Variants in ZHX3 observed in about 807,000 individuals in gnomAD.
ZHX3 encodes the protein zinc fingers and homeoboxes 3, also known as zinc fingers and homeoboxes protein 3.
ZHX3 carries 20 observed loss-of-function variants against 64.5 expected under a neutral mutation model. That is an observed-to-expected ratio of 0.31 (90% CI 0.22 to 0.45). The LOEUF is 0.45. Among genes scored for constraint, ZHX3 ranks in the 20% least tolerant of loss-of-function variants. ZHX3 has a pLI of 1.00. For synonymous variants in ZHX3, 423 were observed against 461.6 expected (o/e 0.92, Z 1.07); for missense variants, 1,041 against 1,195.8 (o/e 0.87, Z 1.91).
At chr20:41,268,777 T>G (rs1042957083) in intron 2 of ZHX3, among the ~76,000 whole-genome samples, 1 of 152,202 alleles carries the variant, frequency 6.6e-6, no homozygotes, top group Non-Finnish European at 1.5e-5. Context: ...AAGTTGTAGA[T>G]TCAATGCAGA....
chr20:41,280,144 G>C (rs1401020982), intron 1 of ZHX3, among the ~76,000 whole-genome samples: 1 of 152,048 alleles, frequency 6.6e-6, no homozygotes, highest in Non-Finnish European at 1.5e-5. Flanking sequence ...TATATCCCTG[G>C]TACTTAGCAG....
chr20:41,198,232 G>A (rs1471792521), intron 3 of ZHX3, among the ~76,000 whole-genome samples: 2 of 151,822 alleles, frequency 1.3e-5, no homozygotes, highest in Admixed American at 6.6e-5. Flanking sequence ...TCCTGACCTC[G>A]TGATCCACCC....
intron 1 of ZHX3, among the ~76,000 whole-genome samples, chr20:41,310,609 A>C (rs1309301789): frequency 6.6e-6 from 1 of 152,122 alleles, no homozygotes; most frequent in Non-Finnish European, 1.5e-5. Flanking sequence ...CAAAAAAATA[A>C]AATAAAATAG....
At position 41,204,994 on chromosome 20, in the gene ZHX3, T is replaced by C. The variant is rs1344882436; in HGVS notation, c.-78A>G. On this transcript the variant is annotated 5_prime_UTR_variant, in exon 3 of 4. Coordinates refer to ENST00000683867, the MANE Select transcript of ZHX3 (RefSeq NM_001384317.1). The surrounding 1 kb of genome is among the most constrained non-coding windows in gnomAD (Gnocchi z 6.6). ...AACAATACAAGTTCCAGCTTCTCGA[T>C]GAGGGCCAAAGAAACAGTTTCTAAA... The C allele has an allele frequency of 6.9e-7, 1 of 1,439,594 alleles. No individual in the cohort carries two copies. The highest frequency in any genetic ancestry group is 9.1e-7 in the Non-Finnish European group (1 of 1,095,204). The allele number at this position is 1,439,594 out of a possible 1,614,324, so 89.2% of individuals were successfully genotyped here.
intron 2 of ZHX3, among the ~76,000 whole-genome samples, chr20:41,263,230 A>G (rs2042650003): frequency 1.3e-5 from 2 of 152,206 alleles, no homozygotes; most frequent in South Asian, 4.1e-4. Flanking sequence ...AGGCTATGAA[A>G]TAATGATAAT....
chr20:41,178,925 A>G lies in ZHX3; in HGVS notation c.*6266T>C, dbSNP rs1600686133. The G allele has an allele frequency of 6.6e-6, 1 of 152,654 alleles. No homozygotes were observed. Among genetic ancestry groups the G allele is most frequent in the African/African-American group, 2.4e-5 (1 of 41,518 alleles). 9.5% of individuals were successfully genotyped at this position (152,654 alleles called of 1,614,324 possible). A position where few individuals can be genotyped will look rare whatever the true frequency, so the allele number is the denominator to read the frequency against. On this transcript the variant is annotated 3_prime_UTR_variant, in exon 4 of 4. Coordinates refer to ENST00000683867, the MANE Select transcript of ZHX3 (RefSeq NM_001384317.1). The stretch of plus-strand genomic sequence containing the variant: ...TTACTTGTTTAGCACCAAGATGATC[A>G]CCTTTTCAGCCATCTCTCCTGACAG...
chr20:41,273,270 G>A (rs563820960), intron 1 of ZHX3, among the ~76,000 whole-genome samples: 2 of 148,468 alleles, frequency 1.3e-5, no homozygotes, highest in Non-Finnish European at 3.1e-5. Flanking sequence ...GTTTTGTTTT[G>A]TTTGTTTTTT....
At chr20:41,205,760 T>C (rs978749181) in intron 2 of ZHX3, among the ~76,000 whole-genome samples, 2 of 152,168 alleles carry the variant, frequency 1.3e-5, no homozygotes, top group Non-Finnish European at 1.5e-5. Flanking sequence ...CAGAACCAGT[T>C]TGTGGCCCAG....
At chr20:41,295,003 C>T (rs1303794657) in intron 1 of ZHX3, among the ~76,000 whole-genome samples, 2 of 152,192 alleles carry the variant, frequency 1.3e-5, no homozygotes, top group African/African-American at 4.8e-5. Flanking sequence ...GCCCAGCCCA[C>T]ATTAATATTT....
At position 41,183,461 on chromosome 20, in the gene ZHX3, C is replaced by A. The variant is rs1341817945; in HGVS notation, c.*1730G>T. 6.6e-6 allele frequency: 1 copy of A among 152,204 alleles called. No individual in the cohort carries two copies. Among genetic ancestry groups the A allele is most frequent in the Non-Finnish European group, 1.5e-5 (1 of 68,040 alleles). 9.4% of individuals were successfully genotyped at this position (152,204 alleles called of 1,614,324 possible). On this transcript the variant is annotated 3_prime_UTR_variant, in exon 4 of 4. Transcript: ENST00000683867. This position sits in a 1 kb window ranked among gnomAD's most constrained non-coding sequence, Gnocchi z 5.3. ...CTTTAGAAGAACATGATTTTGGTTTCAAAAGCAAGACCTCTCCTGGAAGGC... is the reference window on the plus strand; with the variant it reads ...CTTTAGAAGAACATGATTTTGGTTTAAAAAGCAAGACCTCTCCTGGAAGGC...
At chr20:41,249,113 C>T (rs574129928) in intron 2 of ZHX3, among the ~76,000 whole-genome samples, 1 of 152,240 alleles carries the variant, frequency 6.6e-6, no homozygotes, top group South Asian at 2.1e-4. Context: ...GGTACATTTA[C>T]TTTGGAAGAA....
intron 2 of ZHX3, among the ~76,000 whole-genome samples, chr20:41,258,449 G>A (rs576099300): frequency 1.3e-5 from 2 of 151,950 alleles, no homozygotes; most frequent in Admixed American, 6.5e-5. Context: ...CAGAATCCCC[G>A]CTGTATTTAG....
At chr20:41,243,384 A>T (rs759681897) in intron 2 of ZHX3, among the ~76,000 whole-genome samples, 1 of 152,192 alleles carries the variant, frequency 6.6e-6, no homozygotes, top group African/African-American at 2.4e-5. Flanking sequence ...AATTATTATC[A>T]GGGTCACATC....
At chr20:41,236,683 G>A (rs1301794235) in intron 2 of ZHX3, among the ~76,000 whole-genome samples, 1 of 152,112 alleles carries the variant, frequency 6.6e-6, no homozygotes, top group Non-Finnish European at 1.5e-5. Context: ...AGAAAACCTA[G>A]GCAATACCAT....
chr20:41,209,184 A>G (rs1013865329), intron 2 of ZHX3, among the ~76,000 whole-genome samples: 2 of 152,208 alleles, frequency 1.3e-5, no homozygotes, highest in African/African-American at 2.4e-5. Flanking sequence ...GCTCAACGAA[A>G]TAAGAGGACA....
At chr20:41,269,385 G>C (rs555830605) in intron 1 of ZHX3, 1 of 152,290 alleles carries the variant, frequency 6.6e-6, no homozygotes, top group South Asian at 2.1e-4. Flanking sequence ...CTAAGTTTGA[G>C]ACAGCTTGGC....
At chr20:41,186,271 C>T (rs949221408) in intron 3 of ZHX3, among the ~76,000 whole-genome samples, 14 of 152,138 alleles carry the variant, frequency 9.2e-5, no homozygotes, top group African/African-American at 3.4e-4. Context: ...CTTTTTGTGT[C>T]TTGACATCTC....
chr20:41,304,511 A>C (rs1568965188), intron 1 of ZHX3, among the ~76,000 whole-genome samples: 2 of 152,302 alleles, frequency 1.3e-5, no homozygotes, highest in South Asian at 4.1e-4. Context: ...CCATAAGGAG[A>C]GCATTTATTA....
At chr20:41,310,144 C>T (rs1201129049) in intron 1 of ZHX3, among the ~76,000 whole-genome samples, 1 of 152,160 alleles carries the variant, frequency 6.6e-6, no homozygotes, top group Non-Finnish European at 1.5e-5. Context: ...CTGCCACTCA[C>T]CCCAGCAAAC....
Sources: gnomAD v4.1 joint callset for allele counts (sites outside exome capture counted in the v4.1 genomes callset) on GRCh38, gnomAD v4.1.1 for gene constraint, Gnocchi (gnomAD v3.1) non-coding constraint, MANE v1.5 for transcripts, NCBI Gene and HGNC (gene_info 2026-07-23, HGNC 2026-07-21) for gene names.